PSD3: variants seen among roughly 807,000 people sequenced by gnomAD.
PSD3 encodes pleckstrin and Sec7 domain containing 3.
In PSD3, 49 loss-of-function variants were observed where a neutral mutation model predicts 105.5. The ratio of observed to expected loss-of-function variants is 0.46; its 90% CI spans 0.37 to 0.59. The LOEUF (loss-of-function observed/expected upper bound fraction) is 0.59, where lower values mean the gene tolerates loss of function less well. Among genes scored for constraint, PSD3 ranks in the 20% least tolerant of loss-of-function variants. PSD3 has a pLI of 0.00. For synonymous variants in PSD3, 557 were observed against 457.8 expected (o/e 1.22, Z -2.77); for missense variants, 1,561 against 1,263.8 (o/e 1.24, Z -3.57).
chr8:18,622,876 T>C (rs867392163), intron 11 of PSD3, among the ~76,000 whole-genome samples: 4 of 152,220 alleles, frequency 2.6e-5, no homozygotes, highest in Non-Finnish European at 4.4e-5. Flanking sequence ...TTCTATCATC[T>C]GTACTCTTAC....
rs377348318 is a variant in PSD3 at position 18,782,078 on chromosome 8, G to T, written c.2083-16540C>A. Among the ~76,000 whole-genome samples, 3 of 151,974 alleles carry T rather than the reference G, an allele frequency of 2.0e-5. No homozygotes were observed. In the East Asian group the frequency reaches 5.8e-4, roughly 29 times the overall value. On this transcript the variant is annotated intron_variant, in intron 8 of 15. Transcript: ENST00000327040. The stretch of plus-strand genomic sequence containing the variant: ...CTTTGTTGAATTTCTCATACAGATG[G>T]TGAAATGTTTCTTTGCATTGTTCAT...
intron 9 of PSD3, among the ~76,000 whole-genome samples, chr8:18,754,162 T>C (rs1359882623): frequency 1.3e-5 from 2 of 152,142 alleles, no homozygotes; most frequent in African/African-American, 4.8e-5. Context: ...GGTGGGTGGA[T>C]TACCTGAGGT....
In PSD3 at chr8:18,910,932, C is replaced by CAAA. The variant is rs1306913309; in HGVS notation, c.130+25099_130+25101dup. ...CAAGACTCTGTCTCTACATAAAATT[C>CAAA]AAAAAAATAAAAAAAAAAAAAATAA... On this transcript the variant is annotated intron_variant, in intron 2 of 15. Transcript: ENST00000327040. Among the ~76,000 whole-genome samples, 46 of 148,042 alleles carry CAAA rather than the reference C, an allele frequency of 3.1e-4. 1 individual carries two copies. Among genetic ancestry groups the CAAA allele is most frequent in the South Asian group, 2.6e-3 (12 of 4,636 alleles).
At chr8:18,935,730 A>G (rs944956061) in intron 2 of PSD3, among the ~76,000 whole-genome samples, 17 of 151,574 alleles carry the variant, frequency 1.1e-4, no homozygotes, top group African/African-American at 4.1e-4. Context: ...ACATTAGTCA[A>G]TATATATAAC....
chr8:19,009,526 A>G (rs1826858865), intron 1 of PSD3, among the ~76,000 whole-genome samples: 1 of 151,466 alleles, frequency 6.6e-6, no homozygotes, highest in Admixed American at 6.6e-5. Flanking sequence ...TAAGAACTCA[A>G]TAAACATTAG....
chr8:18,740,162 C>T (rs1804452840), intron 9 of PSD3, among the ~76,000 whole-genome samples: 1 of 152,150 alleles, frequency 6.6e-6, no homozygotes. Context: ...GCGTTGCTTT[C>T]CTGTCTTCTG....
chr8:18,842,795 T>C (rs546031491), intron 4 of PSD3, among the ~76,000 whole-genome samples: 192 of 152,010 alleles, frequency 1.3e-3, no homozygotes, highest in Non-Finnish European at 1.6e-3. Flanking sequence ...GAAGAAGAGC[T>C]CTTCAGCAAA....
chr8:18,566,663 C>T (rs1168600134), intron 14 of PSD3, among the ~76,000 whole-genome samples: 2 of 151,998 alleles, frequency 1.3e-5, no homozygotes, highest in African/African-American at 4.8e-5. Flanking sequence ...CATTTCTTTC[C>T]AAATAAATTA....
At chr8:18,924,944 T>A (rs1371845607) in intron 2 of PSD3, 1 of 152,132 alleles carries the variant, frequency 6.6e-6, no homozygotes, top group Non-Finnish European at 1.5e-5. Context: ...ACATGGGAAG[T>A]ACAAGCAACA....
intron 14 of PSD3, among the ~76,000 whole-genome samples, chr8:18,558,981 A>G (rs1042772618): frequency 6.6e-6 from 1 of 152,188 alleles, no homozygotes; most frequent in African/African-American, 2.4e-5. Flanking sequence ...AACATTGCAT[A>G]GTACCCCACT....
chr8:18,733,452 T>A (rs1563208084), intron 9 of PSD3: 1 of 152,684 alleles, frequency 6.5e-6, no homozygotes, highest in Non-Finnish European at 1.5e-5. Flanking sequence ...ATCCCCCTCT[T>A]GAAATCCTGA....
At chr8:18,553,894 C>A (rs1473342078) in intron 15 of PSD3, among the ~76,000 whole-genome samples, 2 of 152,148 alleles carry the variant, frequency 1.3e-5, no homozygotes, top group Non-Finnish European at 2.9e-5. Flanking sequence ...GACAAGTCAA[C>A]CTGCTTGACA....
At position 18,528,265 on chromosome 8, in the gene PSD3, C is replaced by G. The variant is rs1221737803; in HGVS notation, c.*7478G>C. ...AAGCTAGCACTTGAGTATTCCTCGA[C>G]CCTTCCCCTAGAAAGGAAACGTTAG... On this transcript the variant is annotated 3_prime_UTR_variant, in exon 16 of 16. Transcript: ENST00000327040. 1 of 152,206 alleles carries G rather than the reference C, an allele frequency of 6.6e-6. No homozygotes were observed. The highest frequency in any genetic ancestry group is 1.5e-5 in the Non-Finnish European group (1 of 68,056). 9.4% of individuals were successfully genotyped at this position (152,206 alleles called of 1,614,324 possible).
chr8:18,700,912 T>C (rs1028703580), intron 9 of PSD3, among the ~76,000 whole-genome samples: 3 of 152,192 alleles, frequency 2.0e-5, no homozygotes, highest in Admixed American at 1.3e-4. Context: ...ACTGATGTTA[T>C]AATCTCCAAG....
At chr8:18,541,599 T>C (rs911453797) in intron 15 of PSD3, among the ~76,000 whole-genome samples, 1 of 152,152 alleles carries the variant, frequency 6.6e-6, no homozygotes, top group Non-Finnish European at 1.5e-5. Context: ...TTGACCTCTG[T>C]TGTCAAGATG....
At chr8:18,835,041 G>C (rs998299197) in intron 4 of PSD3, among the ~76,000 whole-genome samples, 2 of 152,114 alleles carry the variant, frequency 1.3e-5, no homozygotes, top group African/African-American at 4.8e-5. Flanking sequence ...CCATTAAATT[G>C]GTTAAGATAA....
chr8:18,581,355 CATTTT>C (rs1252962564), intron 12 of PSD3, among the ~76,000 whole-genome samples: 1 of 152,284 alleles, frequency 6.6e-6, no homozygotes. Flanking sequence ...ATAGGGCACA[CATTTT>C]TTAGGTACTC....
At chr8:18,779,240 G>A (rs953887139) in intron 8 of PSD3, among the ~76,000 whole-genome samples, 2 of 152,112 alleles carry the variant, frequency 1.3e-5, no homozygotes, top group African/African-American at 4.8e-5. Flanking sequence ...TGTTCAGACA[G>A]TTGTTCACGA....
At chr8:18,775,743 G>A (rs1389055229) in intron 8 of PSD3, among the ~76,000 whole-genome samples, 1 of 152,038 alleles carries the variant, frequency 6.6e-6, no homozygotes, top group Non-Finnish European at 1.5e-5. Flanking sequence ...TTTTCAAATG[G>A]ATAGCTCAAA....
Sources: allele counts gnomAD v4.1 joint callset (sites outside exome capture counted in the v4.1 genomes callset), GRCh38; gene constraint gnomAD v4.1.1; transcripts MANE v1.5; gene names NCBI Gene and HGNC (gene_info 2026-07-23, HGNC 2026-07-21).